The following SMAD3 variants were observed in gnomAD, a reference collection of about 807,000 sequenced individuals.
SMAD3 encodes MAD homolog 3.
In SMAD3, 12 loss-of-function variants were observed where a neutral mutation model predicts 51.8. The ratio of observed to expected loss-of-function variants is 0.23; its 90% CI spans 0.15 to 0.38. SMAD3 has a LOEUF of 0.38. SMAD3 is among the 10% of genes least tolerant of loss of function. SMAD3 has a pLI of 1.00. For synonymous variants in SMAD3, 238 were observed against 227.7 expected, an observed-to-expected ratio of 1.05 and a Z score of -0.41; for missense variants, 294 against 565.6, an observed-to-expected ratio of 0.52 and a Z score of 4.87.
rs78457787 is a variant in SMAD3, at chr15:67,100,544, T to G, written c.206+34184T>G. Among the ~76,000 whole-genome samples, 1,913 of 152,204 alleles carry G rather than the reference T, an allele frequency of 0.013. 63 individuals are homozygous for G. In the East Asian group the frequency reaches 0.13, roughly 10 times the overall value. The stretch of plus-strand genomic sequence containing the variant: ...TGCATGTATTAATATATTAATGTAT[T>G]AATAAATGTATTAATTACAATATTA... On this transcript the variant is annotated intron_variant, in intron 1 of 8. Transcript: ENST00000327367.
chr15:67,085,305 T>C (rs1355103909), intron 1 of SMAD3, among the ~76,000 whole-genome samples: 1 of 152,218 alleles, frequency 6.6e-6, no homozygotes, highest in East Asian at 1.9e-4. Context: ...TGCCTCATTG[T>C]GAACCAGCTT....
chr15:67,072,590 G>A (rs1285445878), intron 1 of SMAD3, among the ~76,000 whole-genome samples: 1 of 152,192 alleles, frequency 6.6e-6, no homozygotes, highest in Non-Finnish European at 1.5e-5. Context: ...CATAGTGTTG[G>A]TTGGCTGGCA....
intron 1 of SMAD3, among the ~76,000 whole-genome samples, chr15:67,118,579 G>A (rs1050657123): frequency 3.3e-5 from 5 of 152,200 alleles, no homozygotes; most frequent in African/African-American, 1.2e-4. Context: ...GCGCTGGAAG[G>A]AGCTCTGCTT....
chr15:67,086,819 A>G (rs1312981286), intron 1 of SMAD3, among the ~76,000 whole-genome samples: 1 of 152,054 alleles, frequency 6.6e-6, no homozygotes, highest in African/African-American at 2.4e-5. Flanking sequence ...AATGGGACAC[A>G]TGGATCAAGG....
At chr15:67,183,365 C>T (rs972438055) in intron 6 of SMAD3, among the ~76,000 whole-genome samples, 53 of 151,836 alleles carry the variant, frequency 3.5e-4, no homozygotes, top group African/African-American at 1.3e-3. Context: ...GTTACTGAAA[C>T]GAAACAAACA....
rs890267235 is a variant in SMAD3, at chr15:67,191,208, G to A, written c.*672G>A. The A allele has an allele frequency of 4.3e-6, 1 of 233,708 alleles. No individual in the cohort carries two copies. Among genetic ancestry groups the A allele is most frequent in the Non-Finnish European group, 8.5e-6 (1 of 118,314 alleles). 14.5% of individuals were successfully genotyped at this position (233,708 alleles called of 1,614,324 possible). A position where few individuals can be genotyped will look rare whatever the true frequency, so the allele number is the denominator to read the frequency against. ...ACAGGACAGCGGGAAAAATCGATGA[G>A]CGCCACCTCTTTAAAAACTCACTTA... is the stretch of plus-strand genomic sequence containing the variant. On this transcript the variant is annotated 3_prime_UTR_variant, in exon 9 of 9. Coordinates refer to ENST00000327367, the MANE Select transcript of SMAD3 (RefSeq NM_005902.4).
rs781075930 is a variant in SMAD3, at chr15:67,123,540, C to T, written c.207-41355C>T. 3.3e-5 allele frequency among the ~76,000 whole-genome samples: 5 copies of T among 152,198 alleles called. No individual in the cohort carries two copies. The South Asian group carries it at 6.2e-4, about 19-fold the overall frequency. ...AGAATTCTAACATGTTTGAGATTGA[C>T]TGCAATTCCTAGCATATTACAAGTG... On this transcript the variant is annotated intron_variant, in intron 1 of 8. Coordinates refer to ENST00000327367, the MANE Select transcript of SMAD3 (RefSeq NM_005902.4).
intron 1 of SMAD3, among the ~76,000 whole-genome samples, chr15:67,079,689 T>C (rs1043732683): frequency 2.0e-5 from 3 of 152,178 alleles, no homozygotes; most frequent in African/African-American, 4.8e-5. Flanking sequence ...TGGGTACTTA[T>C]GTATTTATGT....
chr15:67,154,835 C>T (rs1962240616), intron 1 of SMAD3, among the ~76,000 whole-genome samples: 1 of 152,148 alleles, frequency 6.6e-6, no homozygotes, highest in African/African-American at 2.4e-5. Flanking sequence ...ATTAAAAACA[C>T]TTGTCATCTT....
intron 1 of SMAD3, among the ~76,000 whole-genome samples, chr15:67,156,717 C>G (rs1003358725): frequency 2.1e-5 from 3 of 144,698 alleles, no homozygotes; most frequent in Non-Finnish European, 3.0e-5. Context: ...GGTGGCTTAC[C>G]TGGGCTTGGT....
chr15:67,185,978 A>C (rs1027336689), intron 7 of SMAD3, among the ~76,000 whole-genome samples: 4 of 152,248 alleles, frequency 2.6e-5, no homozygotes, highest in Non-Finnish European at 5.9e-5. Flanking sequence ...AGAATGCAGA[A>C]AGTCTGAAAT....
At position 67,191,592 on chromosome 15, in the gene SMAD3, C is replaced by T. The variant is rs1963366241; in HGVS notation, c.*1056C>T. ...ATTGACTGGGAAACCTGAGTGAGAC[C>T]CAGCAACTGCTTCTCTCCCTTCTCT... On this transcript the variant is annotated 3_prime_UTR_variant, in exon 9 of 9. Transcript: ENST00000327367. 4.3e-6 allele frequency: 1 copy of T among 233,042 alleles called. No individual in the cohort carries two copies. Among genetic ancestry groups the T allele is most frequent in the African/African-American group, 2.2e-5 (1 of 45,274 alleles). 14.4% of individuals were successfully genotyped at this position (233,042 alleles called of 1,614,324 possible). A position where few individuals can be genotyped will look rare whatever the true frequency, so the allele number is the denominator to read the frequency against.
chr15:67,142,909 C>T (rs564800645), intron 1 of SMAD3: 18 of 441,480 alleles, frequency 4.1e-5, no homozygotes, highest in Non-Finnish European at 7.8e-5. Flanking sequence ...TCTGCATACC[C>T]GTCGGCTCAC....
chr15:67,164,864 C>T (rs1345632672), intron 1 of SMAD3, 31 bp from the exon 2 acceptor site: 1 of 1,610,062 alleles, frequency 6.2e-7, no homozygotes, highest in Admixed American at 1.7e-5. Flanking sequence ...TCCACATTTC[C>T]CTCTCTTTCT....
At chr15:67,095,827 C>T (rs1015551100) in intron 1 of SMAD3, among the ~76,000 whole-genome samples, 3 of 152,204 alleles carry the variant, frequency 2.0e-5, no homozygotes, top group Non-Finnish European at 2.9e-5. Flanking sequence ...CCACTGCATC[C>T]GGCCCATCTT....
chr15:67,124,310 G>A (rs1404781086), intron 1 of SMAD3, among the ~76,000 whole-genome samples: 1 of 152,142 alleles, frequency 6.6e-6, no homozygotes, highest in Non-Finnish European at 1.5e-5. Flanking sequence ...TTGAAAGAAG[G>A]CATTGCTAAT....
chr15:67,168,752 G>C (rs1212775848), intron 4 of SMAD3, among the ~76,000 whole-genome samples: 1 of 152,130 alleles, frequency 6.6e-6, no homozygotes, highest in Non-Finnish European at 1.5e-5. Context: ...GAACATGAGT[G>C]ATTTATCTAC....
Position 67,192,919 on chromosome 15 carries a change from A to C in SMAD3, c.*2383A>C, listed in dbSNP as rs1445287333. ...TTTGAGTTTTGTGTTTTTCCAAAGG[A>C]TACTTCCTTGGCCCTTTTTCTTTAT... On this transcript the variant is annotated 3_prime_UTR_variant, in exon 9 of 9. Coordinates refer to ENST00000327367, the MANE Select transcript of SMAD3 (RefSeq NM_005902.4). 2 of 233,168 alleles carry C rather than the reference A, an allele frequency of 8.6e-6. No individual in the cohort carries two copies. The highest frequency in any genetic ancestry group is 6.0e-5 in the East Asian group (1 of 16,734). The allele number at this position is 233,168 out of a possible 1,614,324, so 14.4% of individuals were successfully genotyped here. A position where few individuals can be genotyped will look rare whatever the true frequency, so the allele number is the denominator to read the frequency against.
chr15:67,091,172 A>C (rs1378911111), intron 1 of SMAD3, among the ~76,000 whole-genome samples: 1 of 152,220 alleles, frequency 6.6e-6, no homozygotes, highest in African/African-American at 2.4e-5. Flanking sequence ...GCTATGGTGC[A>C]TGGTGGGCAT....
Sources: gnomAD v4.1 joint callset for allele counts (sites outside exome capture counted in the v4.1 genomes callset) on GRCh38, gnomAD v4.1.1 for gene constraint, MANE v1.5 for transcripts, NCBI Gene and HGNC (gene_info 2026-07-23, HGNC 2026-07-21) for gene names.